LIPG: variants seen among roughly 807,000 people sequenced by gnomAD.
The protein encoded by LIPG is lipase G, endothelial type.
Under a neutral mutation model 51.8 loss-of-function variants are expected in LIPG, and 34 were observed. The observed-to-expected ratio is 0.66, with a 90% CI of 0.50 to 0.87. The LOEUF is 0.87. LIPG is among the 40% of genes least tolerant of loss of function. The pLI is 0.00. For synonymous variants in LIPG, 246 were observed against 246.1 expected (o/e 1.00, Z 0.00); for missense variants, 580 against 652.7 (o/e 0.89, Z 1.21).
At chr18:49,567,364 G>A (rs1600543912) in intron 2 of LIPG, 78 bp from the exon 3 acceptor site, 2 of 1,421,204 alleles carry the variant, frequency 1.4e-6, no homozygotes, top group Non-Finnish European at 9.7e-7. Flanking sequence ...TGGGAAGAGG[G>A]TCATATAGAA....
At chr18:49,573,653 A>G (rs2084686176) in intron 4 of LIPG, among the ~76,000 whole-genome samples, 1 of 152,156 alleles carries the variant, frequency 6.6e-6, no homozygotes. Context: ...ACCAGTTCTC[A>G]TATGAGTAAT....
intron 8 of LIPG, 41 bp from the exon 9 acceptor site, chr18:49,586,705 C>G (rs764422469): frequency 6.9e-7 from 1 of 1,439,092 alleles, no homozygotes; most frequent in Non-Finnish European, 9.8e-7. Flanking sequence ...TGGATTCCCC[C>G]TAAAGTTCTG....
At chr18:49,562,029 T>C (rs1379913366), upstream of LIPG, 10 of 1,430,718 alleles carry the variant, frequency 7.0e-6, no homozygotes, top group Admixed American at 2.9e-5. Context: ...TCCCATACTT[T>C]TAAAAACTAC....
intron 1 of LIPG, among the ~76,000 whole-genome samples, chr18:49,564,809 C>A (rs971124668): frequency 1.3e-5 from 2 of 152,182 alleles, no homozygotes; most frequent in Non-Finnish European, 2.9e-5. Context: ...TATTTGCCCT[C>A]AAATGTGAGT....
At chr18:49,568,817 G>A (rs2084633728) in intron 3 of LIPG, among the ~76,000 whole-genome samples, 1 of 152,184 alleles carries the variant, frequency 6.6e-6, no homozygotes. Flanking sequence ...CATGGAATGG[G>A]ATGAATTCTG....
rs34468756 is a variant in LIPG, at chr18:49,586,501, T to C, written c.1377-245T>C. Among the ~76,000 whole-genome samples the C allele has an allele frequency of 0.014, 2,119 of 152,200 alleles. 125 individuals carry two copies. The East Asian group carries it at 0.21, about 15-fold the overall frequency. On this transcript the variant is annotated intron_variant, in intron 8 of 9. Coordinates refer to ENST00000261292, the MANE Select transcript of LIPG (RefSeq NM_006033.4). Reference sequence around the variant, plus strand: ...CTTGAGAGGCAGGTGGCCTTTTGGATAGACAGAAGGAAGCAGGTGGCAGAG... The same window carrying C: ...CTTGAGAGGCAGGTGGCCTTTTGGACAGACAGAAGGAAGCAGGTGGCAGAG...
rs2084816807 is a variant in LIPG, at chr18:49,581,363, T to C, written c.794-52T>C. ...GTACAGTATTTATTATTTGAGTGTC[T>C]AATCATCAAGAAGGGCTCATCCTGC... is the stretch of plus-strand genomic sequence containing the variant. On this transcript the variant is annotated intron_variant, in intron 5 of 9. Transcript: ENST00000261292. The C allele has an allele frequency of 3.7e-6, 6 of 1,611,522 alleles. No individual in the cohort carries two copies. In the East Asian group the frequency reaches 1.3e-4, roughly 36 times the overall value.
chr18:49,572,730 T>TA lies in LIPG; in HGVS notation c.572-2617dup, dbSNP rs149836695. Among the ~76,000 whole-genome samples, 253 of 130,870 alleles carry TA rather than the reference T, an allele frequency of 1.9e-3. 3 individuals carry two copies. The highest frequency in any genetic ancestry group is 3.6e-3 in the Non-Finnish European group (224 of 62,682). The allele number at this position is 130,870 out of a possible 152,430, so 85.9% of individuals were successfully genotyped here. On this transcript the variant is annotated intron_variant, in intron 4 of 9. Coordinates refer to ENST00000261292, the MANE Select transcript of LIPG (RefSeq NM_006033.4). The stretch of plus-strand genomic sequence containing the variant: ...TGGGCAACAGAGTGAGACCCTGTCT[T>TA]AAAAAAAAAAAAAAAAAAAAAAGTA...
chr18:49,574,387 T>C (rs529302686), intron 4 of LIPG, among the ~76,000 whole-genome samples: 53 of 152,326 alleles, frequency 3.5e-4, no homozygotes, highest in African/African-American at 1.2e-3. Flanking sequence ...AAATATCTAT[T>C]TCTATGTGCC....
chr18:49,585,012 A>T (rs191801935), intron 8 of LIPG, among the ~76,000 whole-genome samples: 1 of 152,212 alleles, frequency 6.6e-6, no homozygotes, highest in Non-Finnish European at 1.5e-5. Context: ...TAATATTTCA[A>T]TGTTAACAAA....
chr18:49,569,210 C>T (rs118023922), intron 3 of LIPG, among the ~76,000 whole-genome samples: 2,200 of 152,272 alleles, frequency 0.014, 29 homozygotes, highest in Non-Finnish European at 0.021. Context: ...TCCACCCTGT[C>T]CCCACACTTG....
In LIPG at chr18:49,594,990, C is replaced by G. The variant is rs2084974363; in HGVS notation, c.*4468C>G. The G allele has an allele frequency of 6.6e-6, 1 of 152,200 alleles. No individual in the cohort carries two copies. The highest frequency in any genetic ancestry group is 6.5e-5 in the Admixed American group (1 of 15,276). The allele number at this position is 152,200 out of a possible 1,614,324, so 9.4% of individuals were successfully genotyped here. On this transcript the variant is annotated 3_prime_UTR_variant, in exon 10 of 10. Transcript: ENST00000261292. The stretch of plus-strand genomic sequence containing the variant: ...TGGGGGTTCAGTTACTAGTTAGAGT[C>G]AGGGGAACTTCCACAGGACTTCCTT...
intron 5 of LIPG, 89 bp from the exon 6 acceptor site, chr18:49,581,326 C>G: frequency 6.8e-7 from 1 of 1,474,944 alleles, no homozygotes; most frequent in East Asian, 2.3e-5. Flanking sequence ...AAACAGCTAT[C>G]ACTGTTGAGG....
intron 5 of LIPG, among the ~76,000 whole-genome samples, chr18:49,579,249 A>G (rs1410643321): frequency 1.5e-5 from 2 of 135,830 alleles, no homozygotes; most frequent in Non-Finnish European, 3.1e-5. Context: ...CTCACCGGAT[A>G]CACTCTATTT....
At chr18:49,567,311 T>G (rs1425266043) in intron 2 of LIPG, 131 bp from the exon 3 acceptor site, 1 of 877,266 alleles carries the variant, frequency 1.1e-6, no homozygotes, top group Non-Finnish European at 1.8e-6. Flanking sequence ...CACTCCAGCC[T>G]GGGCAACAGA....
At chr18:49,571,596 A>T (rs2084664124) in intron 4 of LIPG, among the ~76,000 whole-genome samples, 1 of 152,018 alleles carries the variant, frequency 6.6e-6, no homozygotes, top group Non-Finnish European at 1.5e-5. Flanking sequence ...GCCAAGCAGC[A>T]CCCCTGACAC....
In LIPG at chr18:49,583,780, T is replaced by C. The variant is rs768389316; in HGVS notation, c.1376+6T>C. 6.2e-7 allele frequency: 1 copy of C among 1,606,224 alleles called. No individual in the cohort carries two copies. The highest frequency in any genetic ancestry group is 1.1e-5 in the South Asian group (1 of 90,090). ...TCTGGGGAAACCCAGCGGAAGTAAG[T>C]GCCTCCTGCTCCTTCTTCTGCCTGG... On this transcript the variant is annotated splice_donor_region_variant and intron_variant, in intron 8 of 9. Transcript: ENST00000261292.
intron 6 of LIPG, chr18:49,581,955 C>T (rs2084825170): frequency 1.7e-6 from 1 of 589,988 alleles, no homozygotes; most frequent in Non-Finnish European, 3.0e-6. Context: ...ATTTGATCAT[C>T]ACAAGAAACC....
intron 5 of LIPG, among the ~76,000 whole-genome samples, chr18:49,580,347 T>G (rs2084805510): frequency 6.6e-6 from 1 of 152,224 alleles, no homozygotes; most frequent in Non-Finnish European, 1.5e-5. Context: ...AACATCTTCT[T>G]AAAGCATCAG....
Sources: allele counts gnomAD v4.1 joint callset (sites outside exome capture counted in the v4.1 genomes callset), GRCh38; gene constraint gnomAD v4.1.1; transcripts MANE v1.5; gene names NCBI Gene and HGNC (gene_info 2026-07-23, HGNC 2026-07-21).